Variants in BABAM2 observed in about 807,000 individuals in gnomAD.
BABAM2 encodes BRISC and BRCA1 A complex member 2.
BABAM2 carries 31 observed loss-of-function variants against 54.7 expected under a neutral mutation model. That is an observed-to-expected ratio of 0.57 (90% CI 0.43 to 0.77). BABAM2 has a LOEUF of 0.77. BABAM2 is among the 30% of genes least tolerant of loss of function. The probability of loss-of-function intolerance (pLI) is 0.00; values close to 1 mark genes in which losing one functional copy is unlikely to be tolerated. For missense variants in BABAM2, 364 were observed against 455.8 expected (o/e 0.80, Z 1.83); for synonymous variants, 167 against 162.9 (o/e 1.03, Z -0.19).
In BABAM2 at chr2:28,109,546, C is replaced by T. The variant is rs117728551; in HGVS notation, c.571-19725C>T. Among the ~76,000 whole-genome samples, 236 of 152,150 alleles carry T rather than the reference C, an allele frequency of 1.6e-3. 4 individuals are homozygous for T. The East Asian group carries it at 0.042, about 27-fold the overall frequency. On this transcript the variant is annotated intron_variant, in intron 6 of 11. Coordinates refer to ENST00000379624, the MANE Select transcript of BABAM2 (RefSeq NM_199191.3). ...ACTTCTCACAACATAGGCTGTCAAC[C>T]GCTGAATCAGATGTCTAAGGTCCTT...
intron 3 of BABAM2, 46 bp from the exon 4 acceptor site, chr2:27,987,947 A>G (rs1422264838): frequency 6.6e-7 from 1 of 1,505,930 alleles, no homozygotes. Context: ...GAATATTCAT[A>G]CTTAGAAAGG....
intron 5 of BABAM2, among the ~76,000 whole-genome samples, chr2:28,032,412 T>A (rs1676362838): frequency 6.6e-6 from 1 of 152,014 alleles, no homozygotes; most frequent in African/African-American, 2.4e-5. Flanking sequence ...AATACACTAT[T>A]CTCCCCACCC....
chr2:28,095,680 T>C (rs945841196), intron 6 of BABAM2, among the ~76,000 whole-genome samples: 12 of 152,190 alleles, frequency 7.9e-5, no homozygotes, highest in African/African-American at 2.7e-4. Context: ...AGGGTTCTTA[T>C]GAAAAGATTT....
At chr2:28,338,352 A>G in intron 11 of BABAM2, 98 bp from the exon 12 acceptor site, 1 of 1,120,590 alleles carries the variant, frequency 8.9e-7, no homozygotes, top group Non-Finnish European at 1.4e-6. Context: ...AACAATAAAT[A>G]ACAACTGTTC....
At chr2:28,079,658 T>C (rs1664992793) in intron 6 of BABAM2, among the ~76,000 whole-genome samples, 1 of 152,142 alleles carries the variant, frequency 6.6e-6, no homozygotes, top group Non-Finnish European at 1.5e-5. Context: ...TTCATACTTA[T>C]TTTCATGGGA....
chr2:28,250,756 C>T (rs2148101811), intron 10 of BABAM2, among the ~76,000 whole-genome samples: 1 of 152,130 alleles, frequency 6.6e-6, no homozygotes, highest in South Asian at 2.1e-4. Context: ...TGTGCCACCA[C>T]TCCCGGCTAA....
chr2:28,301,619 G>A (rs150494238), intron 11 of BABAM2, among the ~76,000 whole-genome samples: 7 of 152,150 alleles, frequency 4.6e-5, no homozygotes, highest in Admixed American at 6.6e-5. Flanking sequence ...CTTTGCTCAC[G>A]CCTTTCCTCC....
At chr2:28,062,902 G>A (rs932010958) in intron 6 of BABAM2, among the ~76,000 whole-genome samples, 2 of 152,196 alleles carry the variant, frequency 1.3e-5, no homozygotes, top group Admixed American at 1.3e-4. Context: ...GACAGACATT[G>A]GTCAGAATAA....
chr2:28,163,388 A>G (rs1573723340), intron 7 of BABAM2, among the ~76,000 whole-genome samples: 1 of 152,166 alleles, frequency 6.6e-6, no homozygotes, highest in Non-Finnish European at 1.5e-5. Context: ...GTAGCTGGCT[A>G]TCAGGGAGAC....
chr2:28,327,211 T>C, intron 11 of BABAM2: 2 of 1,529,410 alleles, frequency 1.3e-6, no homozygotes, highest in Non-Finnish European at 1.8e-6. Flanking sequence ...GACTACCCTG[T>C]CCCTCCCTCC....
chr2:28,028,202 C>T (rs552847532), intron 5 of BABAM2, among the ~76,000 whole-genome samples: 16 of 152,174 alleles, frequency 1.1e-4, no homozygotes, highest in South Asian at 2.1e-4. Flanking sequence ...GTCTGGAGGC[C>T]GCCTTCAACT....
chr2:28,267,450 C>T (rs576073304), intron 10 of BABAM2, among the ~76,000 whole-genome samples: 2 of 148,958 alleles, frequency 1.3e-5, no homozygotes, highest in African/African-American at 5.2e-5. Flanking sequence ...CACACACACA[C>T]ACACACACAC....
chr2:28,083,728 T>A (rs1665388048), intron 6 of BABAM2, among the ~76,000 whole-genome samples: 1 of 152,146 alleles, frequency 6.6e-6, no homozygotes, highest in South Asian at 2.1e-4. Flanking sequence ...GAGGTCTGAT[T>A]TGGCCTGTGG....
At chr2:27,952,466 C>T (rs1385245083) in intron 3 of BABAM2, among the ~76,000 whole-genome samples, 1 of 152,166 alleles carries the variant, frequency 6.6e-6, no homozygotes, top group African/African-American at 2.4e-5. Flanking sequence ...GTTGGTAAAG[C>T]AGAGATTTAA....
chr2:28,125,956 A>G (rs1022285655), intron 6 of BABAM2, among the ~76,000 whole-genome samples: 1 of 152,344 alleles, frequency 6.6e-6, no homozygotes, highest in South Asian at 2.1e-4. Context: ...GTTTATATGC[A>G]AATGTGTATA....
At chr2:28,252,479 C>T (rs990523267) in intron 10 of BABAM2, among the ~76,000 whole-genome samples, 4 of 152,142 alleles carry the variant, frequency 2.6e-5, no homozygotes, top group African/African-American at 7.2e-5. Context: ...ACCCTTCGCC[C>T]GGTTTACAGT....
intron 6 of BABAM2, among the ~76,000 whole-genome samples, chr2:28,128,760 C>T (rs936992139): frequency 2.6e-5 from 4 of 152,020 alleles, no homozygotes; most frequent in African/African-American, 9.7e-5. Context: ...ATCATTTTGC[C>T]AAAGTAGATG....
chr2:27,920,744 C>T (rs1057163504), intron 2 of BABAM2, among the ~76,000 whole-genome samples: 6 of 152,138 alleles, frequency 3.9e-5, no homozygotes, highest in African/African-American at 1.2e-4. Flanking sequence ...AGGAAACTGA[C>T]GTAGACTCAG....
intron 2 of BABAM2, among the ~76,000 whole-genome samples, chr2:27,927,771 C>T (rs529590759): frequency 1.6e-4 from 24 of 151,508 alleles, no homozygotes; most frequent in Middle Eastern, 6.8e-3. Context: ...TTTTTATTGA[C>T]CCCTGAAGAT....
Sources: allele counts gnomAD v4.1 joint callset (sites outside exome capture counted in the v4.1 genomes callset), GRCh38; gene constraint gnomAD v4.1.1; transcripts MANE v1.5; gene names NCBI Gene and HGNC (gene_info 2026-07-23, HGNC 2026-07-21).